Variants in TRPM3 observed in about 807,000 individuals in gnomAD.
The protein encoded by TRPM3 is long transient receptor potential channel 3.
Under a neutral mutation model 181.2 loss-of-function variants are expected in TRPM3, and 77 were observed. The ratio of observed to expected loss-of-function variants is 0.42; its 90% CI spans 0.35 to 0.51. The LOEUF (loss-of-function observed/expected upper bound fraction) is 0.51. TRPM3 is among the 20% of genes least tolerant of loss of function. TRPM3 has a pLI of 0.01. For synonymous variants in TRPM3, 745 were observed against 796.4 expected (o/e 0.94, Z 1.09); for missense variants, 1,759 against 2,196.7 (o/e 0.80, Z 3.98).
chr9:70,746,421 A>C (rs2075173782), intron 8 of TRPM3, among the ~76,000 whole-genome samples: 1 of 152,104 alleles, frequency 6.6e-6, no homozygotes, highest in Non-Finnish European at 1.5e-5. Context: ...AGCTTCACAC[A>C]TACTCTCATA....
intron 1 of TRPM3, among the ~76,000 whole-genome samples, chr9:71,036,992 A>C (rs2058284389): frequency 6.6e-6 from 1 of 152,242 alleles, no homozygotes; most frequent in Non-Finnish European, 1.5e-5. Flanking sequence ...TATTATTGAG[A>C]TAATAAAATA....
At chr9:70,577,398 T>C (rs2054312441) in intron 22 of TRPM3, among the ~76,000 whole-genome samples, 1 of 152,266 alleles carries the variant, frequency 6.6e-6, no homozygotes, top group Non-Finnish European at 1.5e-5. Context: ...ACTTTCTGGC[T>C]GTGTGCCTTC....
At chr9:71,169,878 CAT>C (rs1402486283) in intron 1 of TRPM3, among the ~76,000 whole-genome samples, 2 of 149,512 alleles carry the variant, frequency 1.3e-5, no homozygotes, top group Admixed American at 6.7e-5. Flanking sequence ...GTGTGTACCC[CAT>C]AGTTCCAGCT....
intron 9 of TRPM3, among the ~76,000 whole-genome samples, chr9:70,656,031 AAAAGT>A (rs2060291190): frequency 6.6e-6 from 1 of 152,236 alleles, no homozygotes; most frequent in African/African-American, 2.4e-5. Context: ...CCTTATCAGA[AAAAGT>A]AAAGTCTAGT....
At chr9:71,068,952 G>T in intron 1 of TRPM3, among the ~76,000 whole-genome samples, 1 of 152,164 alleles carries the variant, frequency 6.6e-6, no homozygotes, top group East Asian at 1.9e-4. Flanking sequence ...GATCATGGAA[G>T]CACTATAGAA....
chr9:71,019,272 T>C (rs888974518), intron 1 of TRPM3, among the ~76,000 whole-genome samples: 9 of 151,820 alleles, frequency 5.9e-5, no homozygotes, highest in Non-Finnish European at 5.9e-5. Context: ...TGCAATAAAA[T>C]AATAAAATTA....
intron 3 of TRPM3, among the ~76,000 whole-genome samples, chr9:70,855,879 A>T (rs1444708350): frequency 6.6e-6 from 1 of 152,208 alleles, no homozygotes; most frequent in Admixed American, 6.5e-5. Context: ...TAGATAAAAA[A>T]ATATCCTTAG....
intron 1 of TRPM3, among the ~76,000 whole-genome samples, chr9:71,107,839 A>T (rs1205772798): frequency 2.0e-5 from 3 of 152,152 alleles, no homozygotes; most frequent in East Asian, 3.8e-4. Flanking sequence ...AATCATAAAA[A>T]TTTTTTACCC....
At chr9:70,759,241 A>G (rs2077648705) in intron 8 of TRPM3, among the ~76,000 whole-genome samples, 1 of 152,256 alleles carries the variant, frequency 6.6e-6, no homozygotes. Flanking sequence ...AAAGCTCATC[A>G]TCACTGGTCA....
At chr9:71,170,918 A>G (rs1466606893) in intron 1 of TRPM3, among the ~76,000 whole-genome samples, 1 of 152,194 alleles carries the variant, frequency 6.6e-6, no homozygotes, top group Non-Finnish European at 1.5e-5. Flanking sequence ...GAACAGAGCC[A>G]TATTTCTCTT....
intron 12 of TRPM3, among the ~76,000 whole-genome samples, chr9:70,633,358 G>A (rs954777678): frequency 6.6e-6 from 1 of 152,196 alleles, no homozygotes; most frequent in Non-Finnish European, 1.5e-5. Context: ...AAACCGGAAG[G>A]TTCAAAGGAA....
chr9:71,110,866 C>A (rs1033192738), intron 1 of TRPM3, among the ~76,000 whole-genome samples: 3 of 152,138 alleles, frequency 2.0e-5, no homozygotes, highest in Admixed American at 2.0e-4. Context: ...ATCTCAAAAT[C>A]TTTGAATGCT....
intron 1 of TRPM3, among the ~76,000 whole-genome samples, chr9:71,085,097 A>G (rs2065049024): frequency 6.6e-6 from 1 of 152,012 alleles, no homozygotes; most frequent in Admixed American, 6.6e-5. Flanking sequence ...ATGAAACTGA[A>G]CCCCTACTTT....
intron 1 of TRPM3, among the ~76,000 whole-genome samples, chr9:71,275,511 T>C (rs1307534424): frequency 6.6e-6 from 1 of 152,136 alleles, no homozygotes; most frequent in African/African-American, 2.4e-5. Context: ...TGCACATGTA[T>C]GTGTGCGTGT....
rs116777885 is a variant in TRPM3 at position 70,763,520 on chromosome 9, A to G, written c.1149-1796T>C. On this transcript the variant is annotated intron_variant, in intron 7 of 25. Transcript: ENST00000677713. ...CTGTCTAAAAAAAATTTATATTTAG[A>G]AAAAGAGGATGGTTGAAAAAAATAA... 6.7e-3 allele frequency among the ~76,000 whole-genome samples: 1,023 copies of G among 152,264 alleles called. 14 individuals carry two copies. Among genetic ancestry groups the G allele is most frequent in the African/African-American group, 0.024 (986 of 41,554 alleles).
At chr9:71,193,948 C>A (rs1400173002) in intron 1 of TRPM3, among the ~76,000 whole-genome samples, 2 of 151,902 alleles carry the variant, frequency 1.3e-5, no homozygotes, top group Non-Finnish European at 2.9e-5. Flanking sequence ...GCACCCAAAC[C>A]ATCAAAGTTA....
chr9:70,596,304 GTTAGTGAT>G (rs1432193368), intron 21 of TRPM3, among the ~76,000 whole-genome samples: 1 of 152,146 alleles, frequency 6.6e-6, no homozygotes, highest in Non-Finnish European at 1.5e-5. Flanking sequence ...GCATGAGTTT[GTTAGTGAT>G]TTTGTAAGAA....
rs2084277748 is a variant in TRPM3 at position 71,277,142 on chromosome 9, G to A, written c.183+169511C>T. ...TCCAAAAAAGCTTATTTTTTTTAAA[G>A]AAAAGTTATTAAGAAAAGCAAGGGA... On this transcript the variant is annotated intron_variant, in intron 1 of 24. Transcript: ENST00000357533. Among the ~76,000 whole-genome samples, 2 of 151,838 alleles carry A rather than the reference G, an allele frequency of 1.3e-5. 1 individual carries two copies. The highest frequency in any genetic ancestry group is 3.9e-4 in the East Asian group (2 of 5,184).
intron 1 of TRPM3, among the ~76,000 whole-genome samples, chr9:70,972,661 A>G (rs998158996): frequency 2.6e-5 from 4 of 152,190 alleles, no homozygotes; most frequent in African/African-American, 9.6e-5. Flanking sequence ...CTTTAAAAAA[A>G]GGAGTAACAG....
Sources: allele counts gnomAD v4.1 joint callset (sites outside exome capture counted in the v4.1 genomes callset), GRCh38; gene constraint gnomAD v4.1.1; transcripts MANE v1.5; gene names NCBI Gene and HGNC (gene_info 2026-07-23, HGNC 2026-07-21).